Variants in ZNF607 observed in about 807,000 individuals in gnomAD.
The protein encoded by ZNF607 is zinc finger protein 607.
ZNF607 carries 5 observed loss-of-function variants against 12.8 expected under a neutral mutation model. The observed-to-expected ratio is 0.39, with a 90% CI of 0.20 to 0.82. The LOEUF is 0.82. ZNF607 is among the 40% of genes least tolerant of loss of function. ZNF607 has a pLI of 0.39. For synonymous variants in ZNF607, 287 were observed against 276.2 expected (o/e 1.04, Z -0.39); for missense variants, 851 against 859.2 (o/e 0.99, Z 0.12).
At position 37,696,595 on chromosome 19, in the gene ZNF607, G is replaced by A. The variant is rs149640717; in HGVS notation, c.*1445C>T. On this transcript the variant is annotated 3_prime_UTR_variant, in exon 5 of 5. Coordinates refer to ENST00000355202, the MANE Select transcript of ZNF607 (RefSeq NM_032689.5). ...CGGGGCTGTGGCCCAGTTGCCTCAC[G>A]GAGGTGCAGGTAGGCTGGGGCCTCA... is the stretch of plus-strand genomic sequence containing the variant. 125 of 558,738 alleles carry A rather than the reference G, an allele frequency of 2.2e-4. No individual in the cohort carries two copies. Among genetic ancestry groups the A allele is most frequent in the East Asian group, 1.1e-3 (34 of 30,316 alleles). The allele number at this position is 558,738 out of a possible 1,614,324, so 34.6% of individuals were successfully genotyped here. A position where few individuals can be genotyped will look rare whatever the true frequency, so the allele number is the denominator to read the frequency against.
At position 37,697,260 on chromosome 19, in the gene ZNF607, A is replaced by T; in HGVS notation, c.*780T>A. On this transcript the variant is annotated 3_prime_UTR_variant, in exon 5 of 5. Transcript: ENST00000355202. ...AAAGTGAGTCCCTTCCCCTACCACA[A>T]TGTTCTGTACTCCACGGAATTGGTC... 2.5e-6 allele frequency: 2 copies of T among 784,872 alleles called. No homozygotes were observed. Among genetic ancestry groups the T allele is most frequent in the Non-Finnish European group, 4.6e-6 (2 of 433,622 alleles). The allele number at this position is 784,872 out of a possible 1,614,324, so 48.6% of individuals were successfully genotyped here.
intron 1 of ZNF607, among the ~76,000 whole-genome samples, chr19:37,715,693 C>T (rs1165543994): frequency 6.6e-6 from 1 of 151,920 alleles, no homozygotes; most frequent in Non-Finnish European, 1.5e-5. Context: ...GAAGATACCA[C>T]TCAGCCTCAC....
intron 4 of ZNF607, among the ~76,000 whole-genome samples, chr19:37,702,242 G>A (rs1309709130): frequency 2.9e-5 from 4 of 136,454 alleles, no homozygotes; most frequent in Non-Finnish European, 6.1e-5. Flanking sequence ...AGCAGAGATT[G>A]CGCCATTGCA....
At position 37,699,816 on chromosome 19, in the gene ZNF607, C is replaced by G. The variant is rs2045023037; in HGVS notation, c.315G>C (p.Gln105His). The change falls in exon 5 of 5, where the codon CAG becomes CAC. Residue 105 changes from glutamine to histidine, a missense_variant. Physicochemically the swap from Gln to His is conservative, Grantham distance 24 (BLOSUM62 0). Transcript: ENST00000355202. ...YRKHSCVTLH[Q>H]RIHNGQKPYE... ...ATGGTTTCTGTCCATTATGAATTCT[C>G]TGATGGAGAGTAACACATGAGTGTT... The G allele has an allele frequency of 1.2e-6, 2 of 1,613,832 alleles. No homozygotes were observed.
At position 37,702,493 on chromosome 19, in the gene ZNF607, T is replaced by A. The variant is rs537475829; in HGVS notation, c.236-2598A>T. Among the ~76,000 whole-genome samples the A allele has an allele frequency of 4.6e-5, 7 of 152,292 alleles. No homozygotes were observed. The South Asian group carries it at 1.4e-3, about 32-fold the overall frequency. ...GATGCTCATTTAATGCCAAGTAAGA[T>A]ATGTTACATTTACTGATAAAAGCAA... On this transcript the variant is annotated intron_variant, in intron 4 of 4. Transcript: ENST00000355202.
rs554417135 is a variant in ZNF607 at position 37,709,253 on chromosome 19, T to A, written c.136+443A>T. Among the ~76,000 whole-genome samples, 3 of 152,368 alleles carry A rather than the reference T, an allele frequency of 2.0e-5. No homozygotes were observed. The South Asian group carries it at 6.2e-4, about 32-fold the overall frequency. ...TCCAGTCCACCACTCTATGCCTATA[T>A]GAACAGTCTCTTTCAATAATAACGG... On this transcript the variant is annotated intron_variant, in intron 3 of 4. Coordinates refer to ENST00000355202, the MANE Select transcript of ZNF607 (RefSeq NM_032689.5).
chr19:37,707,914 C>G lies in ZNF607; in HGVS notation c.235G>C (p.Asp79His), dbSNP rs1362855397. 1.2e-6 allele frequency: 2 copies of G among 1,613,284 alleles called. No homozygotes were observed. The highest frequency in any genetic ancestry group is 1.7e-6 in the Non-Finnish European group (2 of 1,179,590). Residue 79 changes from aspartate (D) to histidine (H), a missense_variant and splice_region_variant, in exon 4 of 5, where the codon GAT becomes CAT. Asp to His is a moderately conservative substitution (Grantham distance 81). Coordinates refer to ENST00000355202, the MANE Select transcript of ZNF607 (RefSeq NM_032689.5). ...CTGCCCCTGCCTGACTTGCTCTTAC[C>G]TGTACACTCTCCTCTTGTTTCTTCC... ...VREETRGECT[D>H]LDSRCEIISD...
chr19:37,698,306 T>C lies in ZNF607; in HGVS notation c.1825A>G (p.Arg609Gly). 6.2e-7 allele frequency: 1 copy of C among 1,614,188 alleles called. No individual in the cohort carries two copies. Among genetic ancestry groups the C allele is most frequent in the Non-Finnish European group, 8.5e-7 (1 of 1,180,016 alleles). Residue 609 changes from arginine to glycine, a missense_variant, in exon 5 of 5, where the codon AGA becomes GGA. Arg to Gly is a moderately radical substitution (Grantham distance 125). Coordinates refer to ENST00000355202, the MANE Select transcript of ZNF607 (RefSeq NM_032689.5). ...SHASHLIIHE[R>G]IHTSDKPYEC... ...TAGGGTTTATCACTGGTATGAATTC[T>C]CTCATGAATAATAAGATGTGAAGCA...
Position 37,699,348 on chromosome 19 carries a change from G to A in ZNF607, c.783C>T (p.Ser261=). 6.2e-7 allele frequency: 1 copy of A among 1,613,976 alleles called. No individual in the cohort carries two copies. Among genetic ancestry groups the A allele is most frequent in the African/African-American group, 1.3e-5 (1 of 74,964 alleles). Residue 261 remains serine (S), a synonymous_variant, in exon 5 of 5, where the codon TCC becomes TCT. Coordinates refer to ENST00000355202, the MANE Select transcript of ZNF607 (RefSeq NM_032689.5). Reference sequence around the variant, plus strand: ...CTTTAAGGCCTGCTTTGAGCCTAAAGGACTTCCCACATTTGTTACATTCAA... The same window carrying A: ...CTTTAAGGCCTGCTTTGAGCCTAAAAGACTTCCCACATTTGTTACATTCAA... ...KPFECNKCGK[S]FRLKAGLKVH...
intron 1 of ZNF607, among the ~76,000 whole-genome samples, chr19:37,713,210 A>T (rs550802186): frequency 2.0e-5 from 3 of 152,194 alleles, no homozygotes; most frequent in African/African-American, 7.2e-5. Context: ...CTATTGCTAT[A>T]CTCAGACTGA....
At position 37,696,820 on chromosome 19, in the gene ZNF607, A is replaced by C; in HGVS notation, c.*1220T>G. On this transcript the variant is annotated 3_prime_UTR_variant, in exon 5 of 5. Coordinates refer to ENST00000355202, the MANE Select transcript of ZNF607 (RefSeq NM_032689.5). ...AGCAGAGATGATGGCCGCCTTTTCC[A>C]CCACAAATCTGGCGCTCTCTGCTTC... is the stretch of plus-strand genomic sequence containing the variant. 1 of 1,118,812 alleles carries C rather than the reference A, an allele frequency of 8.9e-7. No individual in the cohort carries two copies. The highest frequency in any genetic ancestry group is 1.3e-6 in the Non-Finnish European group (1 of 743,184). The allele number at this position is 1,118,812 out of a possible 1,614,324, so 69.3% of individuals were successfully genotyped here. A position where few individuals can be genotyped will look rare whatever the true frequency, so the allele number is the denominator to read the frequency against.
intron 4 of ZNF607, among the ~76,000 whole-genome samples, chr19:37,702,983 G>A (rs1006559257): frequency 6.7e-6 from 1 of 149,582 alleles, no homozygotes; most frequent in Non-Finnish European, 1.5e-5. Context: ...ATGGAGTTTC[G>A]CTCTTGTTGC....
intron 1 of ZNF607, among the ~76,000 whole-genome samples, chr19:37,715,711 C>G (rs781648751): frequency 3.3e-5 from 5 of 151,968 alleles, no homozygotes; most frequent in East Asian, 3.9e-4. Context: ...CACATACATT[C>G]AAAGAACTGG....
chr19:37,707,983 T>G lies in ZNF607; in HGVS notation c.166A>C (p.Ile56Leu). 6.2e-7 allele frequency: 1 copy of G among 1,613,982 alleles called. No individual in the cohort carries two copies. Among genetic ancestry groups the G allele is most frequent in the Non-Finnish European group, 8.5e-7 (1 of 1,179,968 alleles). The stretch of plus-strand genomic sequence containing the variant: ...TCTTTTCCTTGCTCCAATAAGGTGA[T>G]TAAATCTGGCTTAGATACGGAATGT... The part of the protein sequence containing the change: ...AGHSVSKPDL[I>L]TLLEQGKEPW... The change falls in exon 4 of 5, where the codon ATC becomes CTC. Residue 56 changes from isoleucine (I) to leucine (L), a missense_variant. Physicochemically the swap from Ile to Leu is conservative, Grantham distance 5. Coordinates refer to ENST00000355202, the MANE Select transcript of ZNF607 (RefSeq NM_032689.5).
intron 4 of ZNF607, among the ~76,000 whole-genome samples, chr19:37,705,161 C>T (rs914914015): frequency 2.6e-5 from 4 of 151,956 alleles, no homozygotes; most frequent in Non-Finnish European, 5.9e-5. Flanking sequence ...TAAACCTCCA[C>T]CCAAAGGGGA....
At chr19:37,716,285 C>T (rs997321746) in intron 1 of ZNF607, among the ~76,000 whole-genome samples, 4 of 152,176 alleles carry the variant, frequency 2.6e-5, no homozygotes, top group African/African-American at 9.7e-5. Context: ...CAGGCTACTT[C>T]AGTTTACTTT....
chr19:37,716,087 C>T (rs2045174265), intron 1 of ZNF607, among the ~76,000 whole-genome samples: 1 of 152,134 alleles, frequency 6.6e-6, no homozygotes, highest in South Asian at 2.1e-4. Context: ...TATATGAAAG[C>T]CCATGTCAAA....
chr19:37,704,407 A>C (rs2045063668), intron 4 of ZNF607, among the ~76,000 whole-genome samples: 1 of 152,192 alleles, frequency 6.6e-6, no homozygotes, highest in Admixed American at 6.5e-5. Context: ...AAGTCATAAA[A>C]AGCATGTTCT....
chr19:37,708,116 AT>A, intron 3 of ZNF607, 104 bp from the exon 4 acceptor site: 1 of 763,654 alleles, frequency 1.3e-6, no homozygotes, highest in Non-Finnish European at 2.0e-6. Flanking sequence ...ACTGAGTAAG[AT>A]TTTAGAGAAG....
Sources: gnomAD v4.1 joint callset for allele counts (sites outside exome capture counted in the v4.1 genomes callset) on GRCh38, gnomAD v4.1.1 for gene constraint, MANE v1.5 for transcripts, NCBI Gene and HGNC (gene_info 2026-07-23, HGNC 2026-07-21) for gene names.